CAMK2D: variants seen among roughly 807,000 people sequenced by gnomAD.
The protein encoded by CAMK2D is calcium/calmodulin-dependent protein kinase type II subunit delta.
In CAMK2D, 37 loss-of-function variants were observed where a neutral mutation model predicts 84.0. The observed-to-expected ratio is 0.44, with a 90% confidence interval of 0.34 to 0.58. CAMK2D has a LOEUF of 0.58. Among genes scored for constraint, CAMK2D ranks in the 20% least tolerant of loss-of-function variants. The pLI, the probability that CAMK2D is intolerant of heterozygous loss-of-function variation, is 0.02. For missense variants in CAMK2D, 448 were observed against 652.5 expected (o/e 0.69, Z 3.41); for synonymous variants, 202 against 212.5 (o/e 0.95, Z 0.43).
intron 3 of CAMK2D, among the ~76,000 whole-genome samples, chr4:113,660,871 C>G (rs2099227703): frequency 6.6e-6 from 1 of 150,762 alleles, no homozygotes; most frequent in African/African-American, 2.4e-5. Flanking sequence ...TCTCAGCTCA[C>G]TGCAAGCTCC....
chr4:113,486,705 A>C (rs2097768863), intron 16 of CAMK2D, among the ~76,000 whole-genome samples: 1 of 152,164 alleles, frequency 6.6e-6, no homozygotes, highest in South Asian at 2.1e-4. Context: ...CTGTTAAATT[A>C]TTTTTTAATA....
chr4:113,751,640 C>T (rs1357627647), intron 2 of CAMK2D, among the ~76,000 whole-genome samples: 2 of 151,824 alleles, frequency 1.3e-5, no homozygotes, highest in Admixed American at 6.6e-5. Flanking sequence ...CGTGGTGGCA[C>T]GCACCTGTAA....
At chr4:113,713,498 T>C (rs1426938724) in intron 2 of CAMK2D, among the ~76,000 whole-genome samples, 1 of 148,264 alleles carries the variant, frequency 6.7e-6, no homozygotes, top group Non-Finnish European at 1.5e-5. Flanking sequence ...TATAATATGA[T>C]AACAATATTA....
chr4:113,757,360 T>A (rs2099630757), intron 2 of CAMK2D, among the ~76,000 whole-genome samples: 1 of 152,096 alleles, frequency 6.6e-6, no homozygotes, highest in Non-Finnish European at 1.5e-5. Flanking sequence ...GAGGAAGGGT[T>A]CTGTTATTAC....
intron 2 of CAMK2D, among the ~76,000 whole-genome samples, chr4:113,747,093 T>C: frequency 6.6e-6 from 1 of 151,870 alleles, no homozygotes; most frequent in East Asian, 1.9e-4. Flanking sequence ...ATTAATTTTT[T>C]TTACTGTTGC....
intron 7 of CAMK2D, among the ~76,000 whole-genome samples, chr4:113,533,434 A>C (rs1256005977): frequency 1.3e-5 from 2 of 152,150 alleles, no homozygotes; most frequent in East Asian, 3.9e-4. Flanking sequence ...CATCAATAGA[A>C]AAAGTAATGA....
chr4:113,457,129 T>C (rs1292353636), intron 19 of CAMK2D: 7 of 1,321,678 alleles, frequency 5.3e-6, no homozygotes, highest in Admixed American at 2.9e-5. Flanking sequence ...CATATACTGC[T>C]CTATAGCAAG....
At chr4:113,496,891 T>A (rs2097941618) in intron 16 of CAMK2D, among the ~76,000 whole-genome samples, 1 of 152,140 alleles carries the variant, frequency 6.6e-6, no homozygotes, top group Non-Finnish European at 1.5e-5. Flanking sequence ...AACACTAGGG[T>A]GTCAACACAT....
rs114015841 is a variant in CAMK2D at position 113,747,611 on chromosome 4, C to A, written c.160+11709G>T. On this transcript the variant is annotated intron_variant, in intron 2 of 20. Transcript: ENST00000511664. ...ACTATAGGAACTACCTTTTAAAGTA[C>A]TAGCCGATTTTTAAAAACAAATTCT... 8.6e-3 allele frequency among the ~76,000 whole-genome samples: 1,315 copies of A among 152,200 alleles called. 17 individuals carry two copies. The highest frequency in any genetic ancestry group is 0.03 in the African/African-American group (1,245 of 41,554).
In CAMK2D at chr4:113,761,734, G is replaced by T; in HGVS notation, c.-666C>A. On this transcript the variant is annotated 5_prime_UTR_variant, in exon 1 of 21. Coordinates refer to ENST00000511664, the MANE Select transcript of CAMK2D (RefSeq NM_001321571.2). ...GCGGCTTCAAGACGGCGCGGCGAGA[G>T]AAAGAGCGCTCGGCTCAGGCGAAGC... 1.2e-6 allele frequency: 1 copy of T among 832,278 alleles called. No homozygotes were observed. Among genetic ancestry groups the T allele is most frequent in the Non-Finnish European group, 1.4e-6 (1 of 690,250 alleles). 51.6% of individuals were successfully genotyped at this position (832,278 alleles called of 1,614,324 possible). A position where few individuals can be genotyped will look rare whatever the true frequency, so the allele number is the denominator to read the frequency against.
At position 113,548,166 on chromosome 4, in the gene CAMK2D, A is replaced by G. The variant is rs142951423; in HGVS notation, c.342-450T>C. On this transcript the variant is annotated intron_variant, in intron 5 of 20. Coordinates refer to ENST00000511664, the MANE Select transcript of CAMK2D (RefSeq NM_001321571.2). ...TAAGGTTAAATTAAGATACCTAATG[A>G]ATTTTTGATAAATCATTAACTTCTT... 7.2e-5 allele frequency among the ~76,000 whole-genome samples: 11 copies of G among 152,330 alleles called. No individual in the cohort carries two copies. The East Asian group carries it at 1.7e-3, about 24-fold the overall frequency.
intron 9 of CAMK2D, among the ~76,000 whole-genome samples, chr4:113,516,475 G>C (rs2098285037): frequency 6.6e-6 from 1 of 152,122 alleles, no homozygotes; most frequent in Non-Finnish European, 1.5e-5. Context: ...GCCCAGAGAG[G>C]GGCTGGTTCT....
chr4:113,731,801 G>A (rs57026829), intron 2 of CAMK2D, among the ~76,000 whole-genome samples: 2 of 152,158 alleles, frequency 1.3e-5, no homozygotes, highest in East Asian at 3.9e-4. Flanking sequence ...GGTCAGGCTG[G>A]TCTCAAACTC....
chr4:113,535,128 C>T (rs1472659828), intron 7 of CAMK2D, among the ~76,000 whole-genome samples: 3 of 152,094 alleles, frequency 2.0e-5, no homozygotes, highest in Admixed American at 2.0e-4. Flanking sequence ...ATCATCTTTA[C>T]CAATTTCTGG....
chr4:113,506,284 TTTC>T (rs1296114203), intron 13 of CAMK2D, among the ~76,000 whole-genome samples: 1 of 152,154 alleles, frequency 6.6e-6, no homozygotes, highest in East Asian at 1.9e-4. Flanking sequence ...ATATTTTTCC[TTTC>T]TTTTCATTCC....
intron 2 of CAMK2D, among the ~76,000 whole-genome samples, chr4:113,707,052 G>A (rs1248435744): frequency 6.6e-6 from 1 of 152,108 alleles, no homozygotes; most frequent in African/African-American, 2.4e-5. Context: ...GAATTGAAAT[G>A]TAGCAGAAAA....
chr4:113,745,975 C>A (rs1216506327), intron 2 of CAMK2D, among the ~76,000 whole-genome samples: 1 of 152,200 alleles, frequency 6.6e-6, no homozygotes, highest in Non-Finnish European at 1.5e-5. Flanking sequence ...CTAAATGTTC[C>A]TTACCCACAC....
chr4:113,510,008 A>G (rs1304024268), intron 12 of CAMK2D, among the ~76,000 whole-genome samples: 1 of 152,234 alleles, frequency 6.6e-6, no homozygotes, highest in Non-Finnish European at 1.5e-5. Flanking sequence ...TGTAATCCAG[A>G]AAGTTGAATT....
At chr4:113,458,149 C>T (rs1228478788) in intron 18 of CAMK2D, among the ~76,000 whole-genome samples, 2 of 152,194 alleles carry the variant, frequency 1.3e-5, no homozygotes, top group African/African-American at 2.4e-5. Flanking sequence ...AGAGTCCATT[C>T]CATGATAGTC....
Sources: allele counts gnomAD v4.1 joint callset (sites outside exome capture counted in the v4.1 genomes callset), GRCh38; gene constraint gnomAD v4.1.1; transcripts MANE v1.5; gene names NCBI Gene and HGNC (gene_info 2026-07-23, HGNC 2026-07-21).